WDHD1: variants seen among roughly 807,000 people sequenced by gnomAD.
WDHD1 encodes WD repeat and HMG-box DNA binding protein 1.
A neutral mutation model predicts 135.4 loss-of-function variants in WDHD1; 111 were observed. The ratio of observed to expected loss-of-function variants is 0.82; its 90% CI spans 0.70 to 0.96. WDHD1 has a LOEUF of 0.96. Among genes scored for constraint, WDHD1 ranks in the 40% least tolerant of loss-of-function variants. The pLI is 0.00. For synonymous variants in WDHD1, 434 were observed against 439.0 expected (o/e 0.99, Z 0.14); for missense variants, 1,351 against 1,336.3 (o/e 1.01, Z -0.17).
chr14:54,939,631 T>C lies in WDHD1; in HGVS notation c.*1859A>G, dbSNP rs995970430. ...GGAAAAAAACAGGTTTACTATTATA[T>C]AGCAGAGAAATAAGGATAATGTTTC... On this transcript the variant is annotated 3_prime_UTR_variant, in exon 26 of 26. Transcript: ENST00000360586. The C allele has an allele frequency of 3.3e-5, 5 of 150,816 alleles. No homozygotes were observed. Among genetic ancestry groups the C allele is most frequent in the Admixed American group, 1.3e-4 (2 of 15,122 alleles). The allele number at this position is 150,816 out of a possible 1,614,324, so 9.3% of individuals were successfully genotyped here.
intron 2 of WDHD1, among the ~76,000 whole-genome samples, chr14:55,021,815 G>A (rs1594598471): frequency 6.6e-6 from 1 of 152,302 alleles, no homozygotes; most frequent in East Asian, 1.9e-4. Context: ...CTTAAGTCAT[G>A]CACAACGTCT....
In WDHD1 at chr14:54,967,356, A is replaced by C. The variant is rs2041361412; in HGVS notation, c.2102T>G (p.Leu701Arg). 3 of 1,612,508 alleles carry C rather than the reference A, an allele frequency of 1.9e-6. No individual in the cohort carries two copies. Among genetic ancestry groups the C allele is most frequent in the Non-Finnish European group, 2.5e-6 (3 of 1,178,912 alleles). Residue 701 changes from leucine (L) to arginine (R), a missense_variant, in exon 17 of 26, where the codon CTT (leucine) becomes CGT (arginine). Leu to Arg is a moderately radical substitution (Grantham distance 102, BLOSUM62 -2). This residue lies in a region of WDHD1 where 1,330 missense variants were observed against 1,296.1 expected (regional missense o/e 1.03). Coordinates refer to ENST00000360586, the MANE Select transcript of WDHD1 (RefSeq NM_007086.4). ...TAATATAGCAACAGCAGGGCGTGGAAGGGTTGGGGGAAACCGAGAACCTTT... is the reference window on the plus strand; with the variant it reads ...TAATATAGCAACAGCAGGGCGTGGACGGGTTGGGGGAAACCGAGAACCTTT... ...PCKGSRFPPT[L>R]PRPAVAILSF...
In WDHD1 at chr14:54,989,116, G is replaced by T. The variant is rs1228819962; in HGVS notation, c.1438C>A (p.His480Asn). 1 of 1,613,748 alleles carries T rather than the reference G, an allele frequency of 6.2e-7. No individual in the cohort carries two copies. The highest frequency in any genetic ancestry group is 1.1e-5 in the South Asian group (1 of 91,060). Reference sequence around the variant, plus strand: ...GTATAATTCAAAGTGTTTGATAAGTGTGTTGCATGGTGTATGGAGGTATCA... The same window carrying T: ...GTATAATTCAAAGTGTTTGATAAGTTTGTTGCATGGTGTATGGAGGTATCA... ...FHDTSIHHAT[H>N]LSNTLNYTIA... Residue 480 changes from histidine (H) to asparagine (N), a missense_variant, in exon 13 of 26, where the codon CAC becomes AAC. By Grantham distance (68) the His-to-Asn change is moderately conservative (BLOSUM62 1). Coordinates refer to ENST00000360586, the MANE Select transcript of WDHD1 (RefSeq NM_007086.4).
At chr14:55,025,661 C>T (rs946163064) in intron 2 of WDHD1, among the ~76,000 whole-genome samples, 3 of 152,244 alleles carry the variant, frequency 2.0e-5, no homozygotes, top group Non-Finnish European at 4.4e-5. Context: ...AACGAGATTC[C>T]TTAATAAAGT....
At chr14:54,969,169 G>C (rs1184834979) in intron 16 of WDHD1, among the ~76,000 whole-genome samples, 1 of 152,070 alleles carries the variant, frequency 6.6e-6, no homozygotes, top group African/African-American at 2.4e-5. Flanking sequence ...CTCCCAAGTA[G>C]CTGAGACTAC....
intron 24 of WDHD1, chr14:54,944,713 G>A (rs1225653604): frequency 3.5e-5 from 8 of 228,546 alleles, no homozygotes; most frequent in Non-Finnish European, 6.7e-5. Context: ...TCCGCCTCCT[G>A]GGTTCAAGCG....
chr14:55,026,254 A>C (rs1327393290), intron 2 of WDHD1, among the ~76,000 whole-genome samples: 1 of 152,242 alleles, frequency 6.6e-6, no homozygotes, highest in Non-Finnish European at 1.5e-5. Context: ...AAGGGACCAG[A>C]ATAACCGTAG....
intron 11 of WDHD1, among the ~76,000 whole-genome samples, chr14:54,994,630 G>A (rs1435876432): frequency 2.6e-5 from 4 of 151,744 alleles, no homozygotes; most frequent in East Asian, 1.9e-4. Flanking sequence ...GCGTGGTGGC[G>A]CATGCCTGTA....
chr14:54,957,611 C>G lies in WDHD1; in HGVS notation c.2726G>C (p.Gly909Ala). The G allele has an allele frequency of 1.2e-6, 2 of 1,607,116 alleles. No individual in the cohort carries two copies. The highest frequency in any genetic ancestry group is 1.7e-6 in the Non-Finnish European group (2 of 1,178,304). The change falls in exon 22 of 26, where the codon GGA becomes GCA. Residue 909 changes from glycine to alanine, a missense_variant. Around this residue, in one of 2 missense-constraint regions of WDHD1, gnomAD observed 1,330 missense variants for 1,296.1 expected, o/e 1.03. Coordinates refer to ENST00000360586, the MANE Select transcript of WDHD1 (RefSeq NM_007086.4). Reference protein sequence around the residue: ...KSGAVTFSSQGRVNPFKVSAS... With the variant: ...KSGAVTFSSQARVNPFKVSAS... The stretch of plus-strand genomic sequence containing the variant: ...GTTTACCTTAAAGGGATTTACTCGT[C>G]CTTGGCTGCTAAAGGTAACTGCACC...
intron 21 of WDHD1, among the ~76,000 whole-genome samples, chr14:54,959,403 AGGAG>A (rs542735984): frequency 4.9e-3 from 204 of 41,578 alleles, no homozygotes; most frequent in African/African-American, 0.019. Context: ...CGGGGGGAAG[AGGAG>A]GGAGGGAGGG....
Position 54,955,554 on chromosome 14 carries a change from T to C in WDHD1, c.3050+7A>G, listed in dbSNP as rs979635509. On this transcript the variant is annotated splice_region_variant and intron_variant, in intron 24 of 25. Transcript: ENST00000360586. Reference sequence around the variant, plus strand: ...TCACTGCATGCTAAATTTCTCTATGTACTGACCTTTGGTTTTCAGTGTTTT... The same window carrying C: ...TCACTGCATGCTAAATTTCTCTATGCACTGACCTTTGGTTTTCAGTGTTTT... The C allele has an allele frequency of 1.3e-6, 2 of 1,557,180 alleles. No homozygotes were observed. Among genetic ancestry groups the C allele is most frequent in the Non-Finnish European group, 1.7e-6 (2 of 1,160,468 alleles).
intron 25 of WDHD1, 128 bp downstream of exon 25, chr14:54,944,204 C>A: frequency 4.3e-6 from 5 of 1,164,948 alleles, no homozygotes; most frequent in Non-Finnish European, 6.0e-6. Flanking sequence ...TCAAGTGATC[C>A]GCCTCGACCT....
rs2040813064 is a variant in WDHD1 at position 54,939,792 on chromosome 14, A to T, written c.*1698T>A. 1 of 152,234 alleles carries T rather than the reference A, an allele frequency of 6.6e-6. No homozygotes were observed. Among genetic ancestry groups the T allele is most frequent in the Non-Finnish European group, 1.5e-5 (1 of 68,042 alleles). The allele number at this position is 152,234 out of a possible 1,614,324, so 9.4% of individuals were successfully genotyped here. A position where few individuals can be genotyped will look rare whatever the true frequency, so the allele number is the denominator to read the frequency against. On this transcript the variant is annotated 3_prime_UTR_variant, in exon 26 of 26. Transcript: ENST00000360586. The stretch of plus-strand genomic sequence containing the variant: ...TTGCTATGAATCTGAAATACAATAT[A>T]CACAGATTATATCCTTAAGCATTAG...
chr14:55,002,563 C>A (rs896410654), intron 7 of WDHD1, among the ~76,000 whole-genome samples: 1 of 152,034 alleles, frequency 6.6e-6, no homozygotes, highest in African/African-American at 2.4e-5. Flanking sequence ...ATTGCTTGCA[C>A]CCAAAAAATG....
At chr14:55,002,269 T>C (rs1325622103) in intron 7 of WDHD1, 84 bp from the exon 8 acceptor site, 32 of 957,162 alleles carry the variant, frequency 3.3e-5, no homozygotes, top group Non-Finnish European at 4.8e-5. Context: ...TTCATTCAGA[T>C]ATATTTACAA....
Position 54,955,578 on chromosome 14 carries a change from T to C in WDHD1, c.3033A>G (p.Gln1011=). 6.3e-7 allele frequency: 1 copy of C among 1,578,892 alleles called. No homozygotes were observed. Among genetic ancestry groups the C allele is most frequent in the South Asian group, 1.2e-5 (1 of 84,292 alleles). Reference sequence around the variant, plus strand: ...GTACTGACCTTTGGTTTTCAGTGTTTTGAGGAGGACATATAGCTGGGGTTT... The same window carrying C: ...GTACTGACCTTTGGTTTTCAGTGTTCTGAGGAGGACATATAGCTGGGGTTT... The part of the protein sequence containing the change: ...LSETPAICPP[Q]NTENQRPKTG... Residue 1011 remains glutamine, a synonymous_variant, in exon 24 of 26, where the codon CAA becomes CAG. Coordinates refer to ENST00000360586, the MANE Select transcript of WDHD1 (RefSeq NM_007086.4).
intron 24 of WDHD1, among the ~76,000 whole-genome samples, chr14:54,949,089 G>A (rs1027811137): frequency 4.6e-5 from 7 of 152,126 alleles, no homozygotes; most frequent in Non-Finnish European, 1.0e-4. Context: ...CTAAAAATCA[G>A]AGCACCTCTC....
intron 18 of WDHD1, among the ~76,000 whole-genome samples, chr14:54,964,532 G>A (rs1183245784): frequency 3.3e-5 from 5 of 152,008 alleles, no homozygotes; most frequent in South Asian, 2.1e-4. Context: ...CCAGCTACTC[G>A]GGAGGCTGAG....
At chr14:55,022,806 T>C (rs2042371838) in intron 2 of WDHD1, among the ~76,000 whole-genome samples, 1 of 151,710 alleles carries the variant, frequency 6.6e-6, no homozygotes, top group Admixed American at 6.6e-5. Flanking sequence ...TCTATTGCCA[T>C]CTTGACCCTT....
Sources: gnomAD v4.1 joint callset for allele counts (sites outside exome capture counted in the v4.1 genomes callset) on GRCh38, gnomAD v4.1.1 for gene constraint, gnomAD v4.1.1 regional missense constraint, MANE v1.5 for transcripts, NCBI Gene and HGNC (gene_info 2026-07-23, HGNC 2026-07-21) for gene names.